The following APH1B variants were observed in gnomAD, a reference collection of about 807,000 sequenced individuals.
APH1B encodes the protein aph-1B gamma-secretase subunit, also known as gamma-secretase subunit APH-1B.
A neutral mutation model predicts 28.2 loss-of-function variants in APH1B; 27 were observed. That is an observed-to-expected ratio of 0.96 (90% CI 0.70 to 1.32). APH1B has a LOEUF of 1.32. APH1B is among the 40% of genes most tolerant of loss of function. The pLI, the probability that APH1B is intolerant of heterozygous loss-of-function variation, is 0.00. For synonymous variants in APH1B, 141 were observed against 124.6 expected, an observed-to-expected ratio of 1.13 and a Z score of -0.88; for missense variants, 305 against 313.6, an observed-to-expected ratio of 0.97 and a Z score of 0.21.
chr15:63,306,746 G>A lies in APH1B; in HGVS notation c.*965G>A, dbSNP rs2038691528. The A allele has an allele frequency of 6.6e-6, 1 of 152,202 alleles. No individual in the cohort carries two copies. Among genetic ancestry groups the A allele is most frequent in the Non-Finnish European group, 1.5e-5 (1 of 68,048 alleles). The allele number at this position is 152,202 out of a possible 1,614,324, so 9.4% of individuals were successfully genotyped here. A position where few individuals can be genotyped will look rare whatever the true frequency, so the allele number is the denominator to read the frequency against. On this transcript the variant is annotated 3_prime_UTR_variant, in exon 6 of 6. Coordinates refer to ENST00000261879, the MANE Select transcript of APH1B (RefSeq NM_031301.4). ...GTGGAAGTATAACCAGAAGCACAAG[G>A]AAATGAGCCAAAAGGGTGTCATTGA... is the stretch of plus-strand genomic sequence containing the variant.
At chr15:63,294,119 T>C (rs1341317057) in intron 4 of APH1B, among the ~76,000 whole-genome samples, 1 of 152,048 alleles carries the variant, frequency 6.6e-6, no homozygotes, top group African/African-American at 2.4e-5. Context: ...ATTTTTTTTT[T>C]TGTAGCCACA....
chr15:63,287,301 A>C (rs1016887557), intron 3 of APH1B, 123 bp from the exon 4 acceptor site: 2 of 1,349,232 alleles, frequency 1.5e-6, no homozygotes, highest in Non-Finnish European at 2.0e-6. Context: ...CCAGCTGTCC[A>C]CTGCTTCAGG....
rs529375775 is a variant in APH1B, at chr15:63,280,772, C to T, written c.284+1441C>T. Among the ~76,000 whole-genome samples the T allele has an allele frequency of 1.5e-4, 23 of 152,266 alleles. 1 individual carries two copies. The highest frequency in any genetic ancestry group is 1.5e-3 in the Admixed American group (23 of 15,290). ...ACATCCCTAACAGATGGACATCTAGCTGTGTTTGAATGTTTCTGGTATGTG... is the reference window on the plus strand; with the variant it reads ...ACATCCCTAACAGATGGACATCTAGTTGTGTTTGAATGTTTCTGGTATGTG... On this transcript the variant is annotated intron_variant, in intron 2 of 5. Coordinates refer to ENST00000261879, the MANE Select transcript of APH1B (RefSeq NM_031301.4).
intron 5 of APH1B, among the ~76,000 whole-genome samples, chr15:63,302,965 C>T (rs1430843275): frequency 6.6e-6 from 1 of 151,998 alleles, no homozygotes; most frequent in East Asian, 1.9e-4. Flanking sequence ...TAGTAGGTGG[C>T]CAGTAAATGT....
rs1275280264 is a variant in APH1B, at chr15:63,287,503, A to G, written c.435A>G (p.Thr145=). 1.2e-6 allele frequency: 2 copies of G among 1,613,896 alleles called. No homozygotes were observed. ...TATCTGACTCCTTGGGGCCAGGCAC[A>G]GTGGGCATTCATGGAGATTCTCCTC... ...NTLSDSLGPG[T]VGIHGDSPQF... The change falls in exon 4 of 6, where the codon ACA becomes ACG. Residue 145 remains threonine, a synonymous_variant. Coordinates refer to ENST00000261879, the MANE Select transcript of APH1B (RefSeq NM_031301.4).
intron 4 of APH1B, among the ~76,000 whole-genome samples, chr15:63,297,444 A>T (rs1317219287): frequency 6.6e-6 from 1 of 152,104 alleles, no homozygotes; most frequent in Non-Finnish European, 1.5e-5. Flanking sequence ...TGGGAGAATT[A>T]CCTGAGCCCC....
intron 4 of APH1B, among the ~76,000 whole-genome samples, chr15:63,295,052 C>T (rs1444235570): frequency 1.3e-5 from 2 of 152,172 alleles, no homozygotes; most frequent in East Asian, 3.8e-4. Context: ...ACATCCATTC[C>T]AACTGTAAAC....
intron 3 of APH1B, 63 bp from the exon 4 acceptor site, chr15:63,287,361 C>G: frequency 6.3e-7 from 1 of 1,597,958 alleles, no homozygotes; most frequent in Non-Finnish European, 8.5e-7. Flanking sequence ...TTAACTAGTC[C>G]TTGGAAATTT....
chr15:63,304,282 G>A lies in APH1B; in HGVS notation c.607-1332G>A, dbSNP rs955399721. On this transcript the variant is annotated intron_variant, in intron 5 of 5. Coordinates refer to ENST00000261879, the MANE Select transcript of APH1B (RefSeq NM_031301.4). This position sits in a 1 kb window ranked among gnomAD's most constrained non-coding sequence, Gnocchi z 5.1. ...GTGGGGGCAGGGACTGGTGGAACAG[G>A]GAGGCTCCTGGGGGCTGAGAATGTT... 6.6e-6 allele frequency among the ~76,000 whole-genome samples: 1 copy of A among 152,164 alleles called. No homozygotes were observed. Among genetic ancestry groups the A allele is most frequent in the Non-Finnish European group, 1.5e-5 (1 of 68,038 alleles).
intron 4 of APH1B, among the ~76,000 whole-genome samples, chr15:63,298,877 T>C (rs1413888221): frequency 6.8e-6 from 1 of 146,628 alleles, no homozygotes; most frequent in Non-Finnish European, 1.5e-5. Flanking sequence ...GTCTAGGTGC[T>C]CAGTAGATTG....
intron 3 of APH1B, 68 bp from the exon 4 acceptor site, chr15:63,287,356 T>C: frequency 1.3e-6 from 2 of 1,595,164 alleles, no homozygotes; most frequent in Admixed American, 1.7e-5. Context: ...TTGTATTAAC[T>C]AGTCCTTGGA....
intron 2 of APH1B, among the ~76,000 whole-genome samples, chr15:63,285,558 C>G (rs558647943): frequency 6.6e-6 from 1 of 152,212 alleles, no homozygotes. Flanking sequence ...CCTAACAAAT[C>G]TGCATGGCAC....
intron 2 of APH1B, among the ~76,000 whole-genome samples, chr15:63,282,981 G>A (rs2152593067): frequency 6.6e-6 from 1 of 151,690 alleles, no homozygotes; most frequent in African/African-American, 2.4e-5. Context: ...TTCTTTTTTT[G>A]TTCTTGGGAA....
intron 1 of APH1B, chr15:63,278,488 C>A: frequency 2.6e-6 from 1 of 379,918 alleles, no homozygotes; most frequent in Non-Finnish European, 5.2e-6. Context: ...TGCGTTTCTT[C>A]ACCTCCCACA....
chr15:63,299,661 C>T (rs1389290208), intron 4 of APH1B, among the ~76,000 whole-genome samples: 1 of 152,076 alleles, frequency 6.6e-6, no homozygotes, highest in Non-Finnish European at 1.5e-5. Context: ...GCCTCGGCCT[C>T]CCAAAGTGCT....
intron 3 of APH1B, chr15:63,287,167 T>G (rs1415453993): frequency 2.7e-6 from 1 of 375,570 alleles, no homozygotes; most frequent in Non-Finnish European, 4.8e-6. Flanking sequence ...CTATTTCTTC[T>G]GTGCCTTTCT....
rs543437573 is a variant in APH1B at position 63,279,920 on chromosome 15, C to T, written c.284+589C>T. On this transcript the variant is annotated intron_variant, in intron 2 of 5. Coordinates refer to ENST00000261879, the MANE Select transcript of APH1B (RefSeq NM_031301.4). ...TCAAGCGATTCTCCTGCCTCAGCCTCCCGAGTAGCTGGGATTACAGGTGTG... is the reference window on the plus strand; with the variant it reads ...TCAAGCGATTCTCCTGCCTCAGCCTTCCGAGTAGCTGGGATTACAGGTGTG... Among the ~76,000 whole-genome samples the T allele has an allele frequency of 3.5e-4, 53 of 152,054 alleles. No homozygotes were observed. In the South Asian group the frequency reaches 7.7e-3, roughly 22 times the overall value.
intron 4 of APH1B, among the ~76,000 whole-genome samples, chr15:63,297,753 G>A (rs2038582828): frequency 6.6e-6 from 1 of 152,312 alleles, no homozygotes; most frequent in Non-Finnish European, 1.5e-5. Context: ...AGCCACGTGT[G>A]TGTGGCAGAA....
chr15:63,307,399 G>C lies in APH1B; in HGVS notation c.*1618G>C, dbSNP rs2038697468. 1.3e-5 allele frequency: 2 copies of C among 152,164 alleles called. No homozygotes were observed. The highest frequency in any genetic ancestry group is 4.1e-4 in the South Asian group (2 of 4,830). 9.4% of individuals were successfully genotyped at this position (152,164 alleles called of 1,614,324 possible). A position where few individuals can be genotyped will look rare whatever the true frequency, so the allele number is the denominator to read the frequency against. On this transcript the variant is annotated 3_prime_UTR_variant, in exon 6 of 6. Coordinates refer to ENST00000261879, the MANE Select transcript of APH1B (RefSeq NM_031301.4). ...TAGAGATAATAGAGATAAAAGAAGAGGAGGGCTTCTATCAATGCTGTAAAC... is the reference window on the plus strand; with the variant it reads ...TAGAGATAATAGAGATAAAAGAAGACGAGGGCTTCTATCAATGCTGTAAAC...
Sources: allele counts gnomAD v4.1 joint callset (sites outside exome capture counted in the v4.1 genomes callset), GRCh38; gene constraint gnomAD v4.1.1; non-coding constraint Gnocchi (gnomAD v3.1); transcripts MANE v1.5; gene names NCBI Gene and HGNC (gene_info 2026-07-23, HGNC 2026-07-21).